Variants in DRC11 observed in about 807,000 individuals in gnomAD.
DRC11 encodes IQ and AAA domain-containing protein 1.
At chr2:236,399,479 C>G in the DRC11 span, 2 of 1,613,830 alleles carry the variant, frequency 1.2e-6, no homozygotes, top group Admixed American at 3.3e-5. The surrounding 1 kb of genome is among the most constrained non-coding windows in gnomAD (Gnocchi z 7.0). Context: ...TTCCATTTTT[C>G]GTCTTCTTCC....
chr2:236,371,824 C>T, the DRC11 span, among the ~76,000 whole-genome samples: 1 of 152,132 alleles, frequency 6.6e-6, no homozygotes, highest in Admixed American at 6.5e-5. The surrounding 1 kb of genome is among the most constrained non-coding windows in gnomAD (Gnocchi z 5.1). Context: ...GATCCTGCTT[C>T]CTTTCCCTGA....
At chr2:236,324,902 A>T in the DRC11 span, 2 of 681,098 alleles carry the variant, frequency 2.9e-6, no homozygotes, top group Non-Finnish European at 5.1e-6. The surrounding 1 kb of genome is among the most constrained non-coding windows in gnomAD (Gnocchi z 5.7). Flanking sequence ...TACTTTGGGC[A>T]TTTAAGGTAT....
the DRC11 span, among the ~76,000 whole-genome samples, chr2:236,432,832 C>G: frequency 6.6e-6 from 1 of 152,026 alleles, no homozygotes; most frequent in Non-Finnish European, 1.5e-5. Flanking sequence ...TTAGAAAGAT[C>G]TTTCCCATTC....
the DRC11 span, among the ~76,000 whole-genome samples, chr2:236,427,788 G>A: frequency 6.6e-6 from 1 of 151,784 alleles, no homozygotes; most frequent in Non-Finnish European, 1.5e-5. The surrounding 1 kb of genome is among the most constrained non-coding windows in gnomAD (Gnocchi z 5.9). Flanking sequence ...CTTAATAATA[G>A]TTTGTTTTTC....
At chr2:236,316,375 C>T in the DRC11 span, among the ~76,000 whole-genome samples, 3 of 152,252 alleles carry the variant, frequency 2.0e-5, no homozygotes, top group African/African-American at 4.8e-5. The surrounding 1 kb of genome is among the most constrained non-coding windows in gnomAD (Gnocchi z 6.8). Flanking sequence ...GTTGGTCAGG[C>T]TGCCCTCAAA....
At chr2:236,324,681 CTT>C in the DRC11 span, 7 of 1,509,282 alleles carry the variant, frequency 4.6e-6, no homozygotes, top group Admixed American at 9.4e-5. The surrounding 1 kb of genome is among the most constrained non-coding windows in gnomAD (Gnocchi z 5.7). Flanking sequence ...GCCTTTTTCT[CTT>C]TCTTTTATTT....
the DRC11 span, among the ~76,000 whole-genome samples, chr2:236,337,412 G>A: frequency 3.3e-5 from 5 of 152,014 alleles, no homozygotes; most frequent in African/African-American, 9.7e-5. The surrounding 1 kb of genome is among the most constrained non-coding windows in gnomAD (Gnocchi z 4.9). Context: ...TGCCACTGCC[G>A]CCAACACCCT....
At chr2:236,324,179 A>G in the DRC11 span, 4 of 152,398 alleles carry the variant, frequency 2.6e-5, no homozygotes, top group African/African-American at 7.2e-5. The surrounding 1 kb of genome is among the most constrained non-coding windows in gnomAD (Gnocchi z 5.7). Flanking sequence ...ATTTCATTAT[A>G]TAAAATCTAT....
chr2:236,367,308 TTA>T, the DRC11 span, among the ~76,000 whole-genome samples: 4 of 147,992 alleles, frequency 2.7e-5, no homozygotes, highest in African/African-American at 9.8e-5. This position sits in a 1 kb window ranked among gnomAD's most constrained non-coding sequence, Gnocchi z 4.8. Context: ...AACATATATA[TTA>T]TATATATATA....
the DRC11 span, among the ~76,000 whole-genome samples, chr2:236,307,933 G>A: frequency 6.8e-6 from 1 of 146,204 alleles, no homozygotes; most frequent in Admixed American, 6.7e-5. This position sits in a 1 kb window ranked among gnomAD's most constrained non-coding sequence, Gnocchi z 7.0. Context: ...AAGCATCGTG[G>A]TGTGCTTGCA....
chr2:236,365,100 C>T, the DRC11 span, among the ~76,000 whole-genome samples: 2 of 152,062 alleles, frequency 1.3e-5, no homozygotes, highest in African/African-American at 4.8e-5. The surrounding 1 kb of genome is among the most constrained non-coding windows in gnomAD (Gnocchi z 7.4). Flanking sequence ...GTATGGAAGG[C>T]TGCTCTGTGG....
the DRC11 span, among the ~76,000 whole-genome samples, chr2:236,441,962 G>A: frequency 1.3e-5 from 2 of 152,016 alleles, no homozygotes; most frequent in African/African-American, 2.4e-5. Context: ...CTGGCTGGGC[G>A]CAGTGTTTCA....
At chr2:236,501,559 A>G in the DRC11 span, among the ~76,000 whole-genome samples, 9 of 152,164 alleles carry the variant, frequency 5.9e-5, no homozygotes, top group African/African-American at 2.2e-4. Context: ...TGAGATGATC[A>G]AGGGAATGGT....
At chr2:236,475,304 T>C in the DRC11 span, among the ~76,000 whole-genome samples, 1 of 152,238 alleles carries the variant, frequency 6.6e-6, no homozygotes, top group East Asian at 1.9e-4. The surrounding 1 kb of genome is among the most constrained non-coding windows in gnomAD (Gnocchi z 4.8). Context: ...AATGACAGGA[T>C]TTCATTACTT....
At chr2:236,444,503 G>A in the DRC11 span, among the ~76,000 whole-genome samples, 5 of 152,162 alleles carry the variant, frequency 3.3e-5, no homozygotes, top group African/African-American at 1.2e-4. Flanking sequence ...CAGGGGTCCT[G>A]GGACACACTT....
the DRC11 span, chr2:236,343,726 T>C: frequency 7.7e-7 from 1 of 1,304,274 alleles, no homozygotes; most frequent in Non-Finnish European, 1.0e-6. The surrounding 1 kb of genome is among the most constrained non-coding windows in gnomAD (Gnocchi z 6.6). Context: ...TTTCAAGTTT[T>C]TCTGCAATGC....
chr2:236,496,851 G>C, the DRC11 span, among the ~76,000 whole-genome samples: 1 of 152,168 alleles, frequency 6.6e-6, no homozygotes, highest in African/African-American at 2.4e-5. The surrounding 1 kb of genome is among the most constrained non-coding windows in gnomAD (Gnocchi z 6.3). Context: ...TGTGTTTCAA[G>C]GGTGCTGATG....
the DRC11 span, among the ~76,000 whole-genome samples, chr2:236,359,762 TGTCA>T: frequency 6.6e-5 from 10 of 152,200 alleles, no homozygotes; most frequent in Non-Finnish European, 1.3e-4. The surrounding 1 kb of genome is among the most constrained non-coding windows in gnomAD (Gnocchi z 4.3). Flanking sequence ...ATAGCTGCTC[TGTCA>T]GTCACACTGG....
At chr2:236,497,681 C>A in the DRC11 span, among the ~76,000 whole-genome samples, 2 of 152,172 alleles carry the variant, frequency 1.3e-5, no homozygotes, top group Non-Finnish European at 2.9e-5. This position sits in a 1 kb window ranked among gnomAD's most constrained non-coding sequence, Gnocchi z 5.1. Flanking sequence ...ATATGTACCA[C>A]CACTATTATC....
Sources: gnomAD v4.1 joint callset for allele counts (sites outside exome capture counted in the v4.1 genomes callset) on GRCh38, gnomAD v4.1.1 for gene constraint, Gnocchi (gnomAD v3.1) non-coding constraint, MANE v1.5 for transcripts, NCBI Gene and HGNC (gene_info 2026-07-23, HGNC 2026-07-21) for gene names.